Variants in CGNL1 observed in about 807,000 individuals in gnomAD.
The protein encoded by CGNL1 is cingulin-like protein 1.
In CGNL1, 132 loss-of-function variants were observed where a neutral mutation model predicts 141.2. That is an observed-to-expected ratio of 0.93 (90% CI 0.81 to 1.08). The LOEUF (loss-of-function observed/expected upper bound fraction) is 1.08. CGNL1 is among the 50% of genes least tolerant of loss of function. The pLI is 0.00. For missense variants in CGNL1, 1,870 were observed against 1,588.6 expected, an observed-to-expected ratio of 1.18 and a Z score of -3.01; for synonymous variants, 690 against 622.1, an observed-to-expected ratio of 1.11 and a Z score of -1.63.
At chr15:57,394,627 G>C (rs2152237644) in intron 1 of CGNL1, among the ~76,000 whole-genome samples, 1 of 152,262 alleles carries the variant, frequency 6.6e-6, no homozygotes, top group South Asian at 2.1e-4. Flanking sequence ...CTTGTAAATT[G>C]GAGACTATTG....
chr15:57,457,215 C>T (rs936021406), intron 7 of CGNL1, among the ~76,000 whole-genome samples: 15 of 152,186 alleles, frequency 9.9e-5, no homozygotes, highest in African/African-American at 3.1e-4. Context: ...GTGTCTTCCT[C>T]ATTTTGATGT....
intron 14 of CGNL1, among the ~76,000 whole-genome samples, chr15:57,534,436 G>C (rs2032136850): frequency 6.6e-6 from 1 of 152,224 alleles, no homozygotes; most frequent in Non-Finnish European, 1.5e-5. Context: ...GCAGAGAAAT[G>C]GGTGGGCCAA....
chr15:57,524,375 C>G (rs1383997218), intron 11 of CGNL1, among the ~76,000 whole-genome samples: 5 of 152,166 alleles, frequency 3.3e-5, no homozygotes, highest in African/African-American at 9.7e-5. Context: ...GTGCCTGGCT[C>G]CAAAGGACGT....
intron 1 of CGNL1, among the ~76,000 whole-genome samples, chr15:57,379,845 G>A (rs2062405640): frequency 6.6e-6 from 1 of 152,112 alleles, no homozygotes; most frequent in South Asian, 2.1e-4. Flanking sequence ...AAAGGGAATG[G>A]GGTGGGGGAT....
rs540499763 is a variant in CGNL1 at position 57,437,619 on chromosome 15, C to CAAAAAAA, written c.-15-342_-15-336dup. Among the ~76,000 whole-genome samples the CAAAAAAA allele has an allele frequency of 7.8e-3, 280 of 36,020 alleles. 20 individuals are homozygous for CAAAAAAA. The highest frequency in any genetic ancestry group is 0.011 in the Non-Finnish European group (211 of 18,470). 23.6% of individuals were successfully genotyped at this position (36,020 alleles called of 152,430 possible). A position where few individuals can be genotyped will look rare whatever the true frequency, so the allele number is the denominator to read the frequency against. On this transcript the variant is annotated intron_variant, in intron 1 of 18. Transcript: ENST00000281282. ...AAGTTTCAGGAAACCAACTAAACAGCAAAAAAAAAAAAAAAAAAAAAAAAA... is the reference window on the plus strand; with the variant it reads ...AAGTTTCAGGAAACCAACTAAACAGCAAAAAAAAAAAAAAAAAAAAAAAAAAAAAAAA...
At chr15:57,378,201 G>C (rs376623404) in intron 1 of CGNL1, among the ~76,000 whole-genome samples, 2 of 152,010 alleles carry the variant, frequency 1.3e-5, no homozygotes, top group African/African-American at 4.8e-5. Context: ...AAGAAAATGT[G>C]TTTTCACTGC....
chr15:57,443,725 A>G (rs1410533243), intron 4 of CGNL1, among the ~76,000 whole-genome samples: 1 of 152,216 alleles, frequency 6.6e-6, no homozygotes, highest in Non-Finnish European at 1.5e-5. Flanking sequence ...GAGGAGCTCT[A>G]CATAGTTCTT....
In CGNL1 at chr15:57,469,141, A is replaced by G. The variant is rs576751715; in HGVS notation, c.2403+7249A>G. On this transcript the variant is annotated intron_variant, in intron 8 of 18. Coordinates refer to ENST00000281282, the MANE Select transcript of CGNL1 (RefSeq NM_032866.5). ...GGCTGCAGCTGGAATGGTTAGAAGTAGAGAGTGGGGAGGAATGAGCAGGTA... is the reference window on the plus strand; with the variant it reads ...GGCTGCAGCTGGAATGGTTAGAAGTGGAGAGTGGGGAGGAATGAGCAGGTA... Among the ~76,000 whole-genome samples, 5 of 152,142 alleles carry G rather than the reference A, an allele frequency of 3.3e-5. No homozygotes were observed. The South Asian group carries it at 1.0e-3, about 32-fold the overall frequency.
intron 3 of CGNL1, among the ~76,000 whole-genome samples, chr15:57,441,029 G>A (rs1317358147): frequency 1.4e-5 from 2 of 147,780 alleles, no homozygotes; most frequent in Non-Finnish European, 3.0e-5. Flanking sequence ...GGAATTTGAG[G>A]TTTCTGTTTC....
intron 8 of CGNL1, among the ~76,000 whole-genome samples, chr15:57,501,830 T>A (rs1215612449): frequency 1.3e-5 from 2 of 152,058 alleles, no homozygotes; most frequent in African/African-American, 4.8e-5. Context: ...CCAGCAGCAG[T>A]GCCCTGACTG....
Position 57,524,671 on chromosome 15 carries a change from G to A in CGNL1, c.2959G>A (p.Ala987Thr), listed in dbSNP as rs542266588. ...TAAGGAGAAAAACCGCAGGGAGCTC[G>A]CAGAAATGCAAAGACAGTTGAAGGA... ...EYKEKNRREL[A>T]EMQRQLKEKT... The change falls in exon 12 of 19, where the codon GCA (alanine) becomes ACA (threonine). Residue 987 changes from alanine to threonine, a missense_variant. Ala to Thr is a moderately conservative substitution (Grantham distance 58, BLOSUM62 0). Coordinates refer to ENST00000281282, the MANE Select transcript of CGNL1 (RefSeq NM_032866.5). 316 of 1,614,182 alleles carry A rather than the reference G, an allele frequency of 2.0e-4. 3 individuals carry two copies. In the South Asian group the frequency reaches 3.2e-3, roughly 16 times the overall value.
intron 1 of CGNL1, among the ~76,000 whole-genome samples, chr15:57,386,262 G>C (rs1298259985): frequency 1.3e-5 from 2 of 152,208 alleles, no homozygotes; most frequent in African/African-American, 4.8e-5. Context: ...TGCTGCTACA[G>C]GCTTGTGAGC....
chr15:57,544,701 G>A, intron 16 of CGNL1, 104 bp downstream of exon 16: 6 of 1,355,612 alleles, frequency 4.4e-6, no homozygotes, highest in Non-Finnish European at 6.0e-6. Context: ...CTCGTAGCCT[G>A]TGAGGAAGGC....
intron 14 of CGNL1, among the ~76,000 whole-genome samples, chr15:57,536,417 C>T (rs575355818): frequency 5.3e-5 from 8 of 152,224 alleles, no homozygotes; most frequent in African/African-American, 7.2e-5. Context: ...GAGAGAGAAA[C>T]GTTTTTCAAA....
intron 8 of CGNL1, 48 bp downstream of exon 8, chr15:57,461,940 A>C: frequency 2.1e-6 from 3 of 1,420,840 alleles, no homozygotes; most frequent in Non-Finnish European, 3.0e-6. Flanking sequence ...ATGAAAGGGT[A>C]AGACCCTCTC....
chr15:57,496,612 C>A (rs754016725), intron 8 of CGNL1, among the ~76,000 whole-genome samples: 1 of 152,124 alleles, frequency 6.6e-6, no homozygotes, highest in Non-Finnish European at 1.5e-5. Flanking sequence ...CCAAGTCTGT[C>A]TTGTAAAGGA....
In CGNL1 at chr15:57,461,905, G is replaced by C; in HGVS notation, c.2403+13G>C. On this transcript the variant is annotated intron_variant, in intron 8 of 18. Coordinates refer to ENST00000281282, the MANE Select transcript of CGNL1 (RefSeq NM_032866.5). ...AGAAGCAACCAAGGTGAGGGATGGGGCAGGAGAATCTGGCTTGTGAACAGA... is the reference window on the plus strand; with the variant it reads ...AGAAGCAACCAAGGTGAGGGATGGGCCAGGAGAATCTGGCTTGTGAACAGA... 6.2e-7 allele frequency: 1 copy of C among 1,607,600 alleles called. No individual in the cohort carries two copies. The highest frequency in any genetic ancestry group is 8.5e-7 in the Non-Finnish European group (1 of 1,174,626).
At chr15:57,518,522 T>C in intron 10 of CGNL1, 25 bp downstream of exon 10, 1 of 1,502,038 alleles carries the variant, frequency 6.7e-7, no homozygotes, top group Non-Finnish European at 9.2e-7. Context: ...CTGTTGTCAT[T>C]ACTCCCTCAA....
At chr15:57,545,027 C>A (rs1246359435) in intron 16 of CGNL1, among the ~76,000 whole-genome samples, 2 of 152,180 alleles carry the variant, frequency 1.3e-5, no homozygotes, top group Admixed American at 6.5e-5. Context: ...GGGGCAGGTC[C>A]TCCCGCAGTG....
Sources: allele counts gnomAD v4.1 joint callset (sites outside exome capture counted in the v4.1 genomes callset), GRCh38; gene constraint gnomAD v4.1.1; transcripts MANE v1.5; gene names NCBI Gene and HGNC (gene_info 2026-07-23, HGNC 2026-07-21).